The following TUSC3 variants were observed in gnomAD, a reference collection of about 807,000 sequenced individuals.
The protein encoded by TUSC3 is tumor suppressor candidate 3, also known as dolichyl-diphosphooligosaccharide--protein glycosyltransferase subunit TUSC3.
A neutral mutation model predicts 44.8 loss-of-function variants in TUSC3; 45 were observed. That is an observed-to-expected ratio of 1.00 (90% CI 0.79 to 1.29). TUSC3 has a LOEUF of 1.29. Ranked by LOEUF, TUSC3 falls within the 50% of genes most tolerant of loss-of-function variation. The pLI is 0.00. For missense variants in TUSC3, 519 were observed against 437.9 expected (o/e 1.19, Z -1.65); for synonymous variants, 212 against 152.9 (o/e 1.39, Z -2.85).
At chr8:15,752,835 C>T (rs28711778) in intron 9 of TUSC3, among the ~76,000 whole-genome samples, 6 of 151,908 alleles carry the variant, frequency 3.9e-5, no homozygotes, top group African/African-American at 1.4e-4. Context: ...AAAATGTTGA[C>T]AATTAGATAA....
chr8:15,565,683 A>G (rs1417425944), intron 1 of TUSC3, among the ~76,000 whole-genome samples: 1 of 152,070 alleles, frequency 6.6e-6, no homozygotes, highest in African/African-American at 2.4e-5. Context: ...TGTATTAAAT[A>G]CTTTCATGCT....
the TUSC3 span, among the ~76,000 whole-genome samples, chr8:15,785,903 G>A: frequency 1.4e-4 from 21 of 151,486 alleles, no homozygotes; most frequent in African/African-American, 5.1e-4. Flanking sequence ...TGGTCCAATT[G>A]CTTGTTTGAA....
chr8:15,473,440 A>T (rs1286998072), intron 1 of TUSC3, among the ~76,000 whole-genome samples: 3 of 152,204 alleles, frequency 2.0e-5, no homozygotes, highest in African/African-American at 7.2e-5. Context: ...TTTGCTCTTC[A>T]ACTTGAAGTC....
At chr8:15,469,058 C>T (rs1219930315) in intron 1 of TUSC3, among the ~76,000 whole-genome samples, 6 of 152,020 alleles carry the variant, frequency 3.9e-5, no homozygotes, top group Non-Finnish European at 8.8e-5. Flanking sequence ...AGAATAAAAA[C>T]GAGAAGGCTG....
intron 6 of TUSC3, among the ~76,000 whole-genome samples, chr8:15,676,945 T>C (rs1273178248): frequency 6.6e-6 from 1 of 152,164 alleles, no homozygotes; most frequent in East Asian, 1.9e-4. Context: ...GTGACCTACA[T>C]TTAATGTTTA....
At chr8:15,686,361 A>G (rs1483699755) in intron 6 of TUSC3, among the ~76,000 whole-genome samples, 1 of 152,122 alleles carries the variant, frequency 6.6e-6, no homozygotes, top group South Asian at 2.1e-4. Flanking sequence ...TTTGCCAGAT[A>G]TAGTCCAAAA....
chr8:15,835,421 C>G, the TUSC3 span, among the ~76,000 whole-genome samples: 2 of 151,726 alleles, frequency 1.3e-5, no homozygotes, highest in African/African-American at 4.8e-5. Flanking sequence ...CACACTTTTT[C>G]TCTTTTCTAT....
At chr8:15,593,663 G>A (rs1337751319) in intron 1 of TUSC3, among the ~76,000 whole-genome samples, 1 of 152,084 alleles carries the variant, frequency 6.6e-6, no homozygotes, top group Non-Finnish European at 1.5e-5. Flanking sequence ...TCATAAGTCT[G>A]TTATCTGTGC....
upstream of TUSC3, among the ~76,000 whole-genome samples, chr8:15,539,590 G>A (rs1321867179): frequency 6.6e-6 from 1 of 151,914 alleles, no homozygotes; most frequent in African/African-American, 2.4e-5. Context: ...GACCTCAGGT[G>A]AGCCACCTGC....
intron 1 of TUSC3, among the ~76,000 whole-genome samples, chr8:15,469,053 A>G (rs1800451059): frequency 6.6e-6 from 1 of 152,178 alleles, no homozygotes; most frequent in African/African-American, 2.4e-5. Flanking sequence ...AAGTCAGAAT[A>G]AAAACGAGAA....
the TUSC3 span, among the ~76,000 whole-genome samples, chr8:15,826,173 T>C: frequency 6.6e-6 from 1 of 152,224 alleles, no homozygotes; most frequent in East Asian, 1.9e-4. Context: ...CTTTCTAAAA[T>C]TTTAGGGCTT....
At chr8:15,800,429 C>T in the TUSC3 span, among the ~76,000 whole-genome samples, 12 of 152,040 alleles carry the variant, frequency 7.9e-5, no homozygotes, top group East Asian at 3.9e-4. Flanking sequence ...ACAAATTAGC[C>T]GGGCATGGTG....
At chr8:15,801,653 T>C in the TUSC3 span, among the ~76,000 whole-genome samples, 4 of 151,986 alleles carry the variant, frequency 2.6e-5, no homozygotes, top group Non-Finnish European at 5.9e-5. Flanking sequence ...CAGAGAAGCA[T>C]AAGGATGAAA....
rs17576651 is a variant in TUSC3 at position 15,418,105 on chromosome 8, C to G, written n.91+800C>G. Among the ~76,000 whole-genome samples the G allele has an allele frequency of 6.6e-3, 1,007 of 152,222 alleles. 3 individuals are homozygous for G. Among genetic ancestry groups the G allele is most frequent in the Middle Eastern group, 0.024 (7 of 294 alleles). ...AAACTACTATTTTATGTCAAGGAAACCAAGAATTAGTAACAAGCACAATAA... is the reference window on the plus strand; with the variant it reads ...AAACTACTATTTTATGTCAAGGAAAGCAAGAATTAGTAACAAGCACAATAA... On this transcript the variant is annotated intron_variant and non_coding_transcript_variant, in intron 1 of 5. Coordinates refer to the TUSC3 transcript ENST00000503191.
At chr8:15,458,786 C>T (rs1454859988) in intron 1 of TUSC3, among the ~76,000 whole-genome samples, 4 of 152,104 alleles carry the variant, frequency 2.6e-5, no homozygotes, top group African/African-American at 7.2e-5. Flanking sequence ...TAGGGAAGAA[C>T]CATCAGTTTA....
intron 1 of TUSC3, among the ~76,000 whole-genome samples, chr8:15,617,387 C>G (rs1016286420): frequency 6.6e-6 from 1 of 151,928 alleles, no homozygotes; most frequent in Non-Finnish European, 1.5e-5. Flanking sequence ...ATCTGCCCGC[C>G]TAGGCTTCCC....
chr8:15,512,832 GTGTA>G (rs1162144269), intron 2 of TUSC3, among the ~76,000 whole-genome samples: 1 of 145,386 alleles, frequency 6.9e-6, no homozygotes, highest in African/African-American at 2.6e-5. Flanking sequence ...GTGTGTGTGT[GTGTA>G]TATATATTTG....
intron 2 of TUSC3, among the ~76,000 whole-genome samples, chr8:15,646,337 G>A (rs1806628676): frequency 6.6e-6 from 1 of 152,086 alleles, no homozygotes; most frequent in Non-Finnish European, 1.5e-5. Context: ...CCAAGTTATG[G>A]AGGTTTTTGA....
chr8:15,455,005 G>A (rs1421831763), intron 1 of TUSC3, among the ~76,000 whole-genome samples: 2 of 152,140 alleles, frequency 1.3e-5, no homozygotes, highest in Non-Finnish European at 2.9e-5. Context: ...AAACCATGGG[G>A]AATCTTAGGG....
Sources: gnomAD v4.1 joint callset for allele counts (sites outside exome capture counted in the v4.1 genomes callset) on GRCh38, gnomAD v4.1.1 for gene constraint, MANE v1.5 for transcripts, NCBI Gene and HGNC (gene_info 2026-07-23, HGNC 2026-07-21) for gene names.